PHF24: variants seen among roughly 807,000 people sequenced by gnomAD.
PHF24 encodes the protein Galpha inhibitory interacting protein.
In PHF24, 25 loss-of-function variants were observed where a neutral mutation model predicts 42.6. The observed-to-expected ratio is 0.59, with a 90% CI of 0.43 to 0.82. The LOEUF (loss-of-function observed/expected upper bound fraction) is 0.82. Among genes scored for constraint, PHF24 ranks in the 40% least tolerant of loss-of-function variants. The pLI, the probability that PHF24 is intolerant of heterozygous loss-of-function variation, is 0.00. For missense variants in PHF24, 470 were observed against 538.1 expected, an observed-to-expected ratio of 0.87 and a Z score of 1.25; for synonymous variants, 185 against 204.8, an observed-to-expected ratio of 0.90 and a Z score of 0.83.
the PHF24 span, among the ~76,000 whole-genome samples, chr9:34,734,091 C>T: frequency 1.3e-5 from 2 of 152,166 alleles, no homozygotes; most frequent in Non-Finnish European, 2.9e-5. Flanking sequence ...TCACAAGACA[C>T]TGTAAATTCA....
chr9:34,754,355 T>C, the PHF24 span, among the ~76,000 whole-genome samples: 2 of 152,116 alleles, frequency 1.3e-5, no homozygotes, highest in Admixed American at 1.3e-4. Flanking sequence ...GATTTATAAA[T>C]GGGCAAAATA....
the PHF24 span, chr9:34,922,479 G>T: frequency 7.5e-7 from 1 of 1,333,596 alleles, no homozygotes; most frequent in Non-Finnish European, 1.1e-6. Flanking sequence ...TTCTTGGTGT[G>T]CTTGTTGTGA....
chr9:34,766,196 G>A, the PHF24 span, among the ~76,000 whole-genome samples: 4 of 152,062 alleles, frequency 2.6e-5, no homozygotes, highest in Non-Finnish European at 5.9e-5. Flanking sequence ...TGCTCTTCTC[G>A]AATGGTATCT....
At chr9:34,977,307 C>T (rs764849064) in intron 6 of PHF24, 64 bp downstream of exon 6, 35 of 1,508,256 alleles carry the variant, frequency 2.3e-5, no homozygotes, top group Non-Finnish European at 3.0e-5. Context: ...ATGCCAGTGG[C>T]CCTTCCATAC....
At chr9:34,913,927 A>G in the PHF24 span, among the ~76,000 whole-genome samples, 1 of 152,088 alleles carries the variant, frequency 6.6e-6, no homozygotes, top group African/African-American at 2.4e-5. Context: ...GTTTGTGAGG[A>G]GCAGAAGAGG....
At chr9:34,874,739 AG>A in the PHF24 span, among the ~76,000 whole-genome samples, 1 of 152,198 alleles carries the variant, frequency 6.6e-6, no homozygotes, top group Non-Finnish European at 1.5e-5. Flanking sequence ...ATCCAGTCAA[AG>A]GTAAGTTAGT....
the PHF24 span, among the ~76,000 whole-genome samples, chr9:34,804,632 C>A: frequency 2.0e-5 from 3 of 152,196 alleles, no homozygotes; most frequent in African/African-American, 7.2e-5. Context: ...CCCAAGGACA[C>A]ATATCAACTA....
chr9:34,909,874 G>A, the PHF24 span, among the ~76,000 whole-genome samples: 6 of 152,082 alleles, frequency 3.9e-5, no homozygotes, highest in Admixed American at 3.9e-4. Flanking sequence ...TGATCTGCCC[G>A]CCTTAGCCTC....
At chr9:34,804,722 A>T in the PHF24 span, among the ~76,000 whole-genome samples, 2 of 152,230 alleles carry the variant, frequency 1.3e-5, no homozygotes, top group Non-Finnish European at 2.9e-5. Context: ...GCTATAATAT[A>T]CAGACTATAG....
the PHF24 span, among the ~76,000 whole-genome samples, chr9:34,701,777 G>A: frequency 6.6e-6 from 1 of 152,050 alleles, no homozygotes. This position sits in a 1 kb window ranked among gnomAD's most constrained non-coding sequence, Gnocchi z 5.8. Context: ...CCCGAGCCTC[G>A]GGGGTCCTCT....
the PHF24 span, among the ~76,000 whole-genome samples, chr9:34,862,109 C>A: frequency 6.6e-6 from 1 of 152,140 alleles, no homozygotes; most frequent in Non-Finnish European, 1.5e-5. Context: ...ATGCAGGGAG[C>A]CCTAGCCAGA....
At chr9:34,758,012 T>C in the PHF24 span, among the ~76,000 whole-genome samples, 1 of 152,156 alleles carries the variant, frequency 6.6e-6, no homozygotes, top group Non-Finnish European at 1.5e-5. This position sits in a 1 kb window ranked among gnomAD's most constrained non-coding sequence, Gnocchi z 4.4. Context: ...TAGCTGGTTT[T>C]GGTGTATGTC....
the PHF24 span, among the ~76,000 whole-genome samples, chr9:34,756,233 G>C: frequency 6.6e-6 from 1 of 152,082 alleles, no homozygotes; most frequent in Admixed American, 6.5e-5. Context: ...CTGAGTAGCT[G>C]GGATGATAGC....
At chr9:34,977,889 A>ATGC (rs1403979460) in intron 7 of PHF24, 126 bp from the exon 8 acceptor site, 1 of 818,184 alleles carries the variant, frequency 1.2e-6, no homozygotes, top group Non-Finnish European at 2.1e-6. Flanking sequence ...AGCTCAAGCC[A>ATGC]TGCTGCCCCT....
the PHF24 span, among the ~76,000 whole-genome samples, chr9:34,806,840 G>GT: frequency 6.6e-6 from 1 of 152,138 alleles, no homozygotes; most frequent in Non-Finnish European, 1.5e-5. Context: ...TAAAATTCCA[G>GT]TTTTGTATGG....
At chr9:34,913,545 T>C in the PHF24 span, among the ~76,000 whole-genome samples, 9 of 152,248 alleles carry the variant, frequency 5.9e-5, no homozygotes, top group Admixed American at 2.0e-4. Flanking sequence ...CTTCAGAAAA[T>C]GTAAAGAGAA....
the PHF24 span, among the ~76,000 whole-genome samples, chr9:34,791,514 T>G: frequency 6.6e-6 from 1 of 151,944 alleles, no homozygotes; most frequent in Admixed American, 6.6e-5. Flanking sequence ...AAAATTCAAG[T>G]TATCAGAATA....
the PHF24 span, among the ~76,000 whole-genome samples, chr9:34,794,654 A>C: frequency 3.9e-5 from 6 of 152,372 alleles, no homozygotes; most frequent in South Asian, 1.2e-3. Context: ...AAAAATTTCA[A>C]ACCAAAAAAT....
At chr9:34,779,265 G>A in the PHF24 span, among the ~76,000 whole-genome samples, 1 of 151,894 alleles carries the variant, frequency 6.6e-6, no homozygotes, top group African/African-American at 2.4e-5. Flanking sequence ...AAATGAAAGA[G>A]AAAATAAAAG....
Sources: gnomAD v4.1 joint callset for allele counts (sites outside exome capture counted in the v4.1 genomes callset) on GRCh38, gnomAD v4.1.1 for gene constraint, Gnocchi (gnomAD v3.1) non-coding constraint, MANE v1.5 for transcripts, NCBI Gene and HGNC (gene_info 2026-07-23, HGNC 2026-07-21) for gene names.